The following PHKB variants were observed in gnomAD, a reference collection of about 807,000 sequenced individuals.
PHKB encodes phosphorylase kinase regulatory subunit beta, also known as phosphorylase b kinase regulatory subunit beta.
In PHKB, 122 loss-of-function variants were observed where a neutral mutation model predicts 152.1. The observed-to-expected ratio is 0.80, with a 90% CI of 0.69 to 0.93. PHKB has a LOEUF of 0.93. PHKB is among the 40% of genes least tolerant of loss of function. PHKB has a pLI of 0.00. For synonymous variants in PHKB, 436 were observed against 464.9 expected, an observed-to-expected ratio of 0.94 and a Z score of 0.80; for missense variants, 1,304 against 1,328.4, an observed-to-expected ratio of 0.98 and a Z score of 0.29.
intron 1 of PHKB, among the ~76,000 whole-genome samples, chr16:47,470,709 A>G (rs1969751139): frequency 6.6e-6 from 1 of 152,242 alleles, no homozygotes. Flanking sequence ...CCTTCTCTTC[A>G]TCTATAGTGC....
At chr16:47,475,956 C>G (rs1281565761) in intron 1 of PHKB, among the ~76,000 whole-genome samples, 1 of 152,184 alleles carries the variant, frequency 6.6e-6, no homozygotes, top group Non-Finnish European at 1.5e-5. Flanking sequence ...CAGCCTTGAA[C>G]TTCTGGGCTC....
At chr16:47,487,129 A>G (rs1389677967) in intron 1 of PHKB, among the ~76,000 whole-genome samples, 3 of 152,098 alleles carry the variant, frequency 2.0e-5, no homozygotes, top group Non-Finnish European at 2.9e-5. Flanking sequence ...TTCTGCTAGA[A>G]CCCAAAACCC....
intron 8 of PHKB, among the ~76,000 whole-genome samples, chr16:47,585,544 T>G (rs1971921097): frequency 1.3e-5 from 2 of 152,220 alleles, no homozygotes; most frequent in African/African-American, 4.8e-5. Context: ...TGGGAATAGC[T>G]GCCCATGACC....
rs1402857463 is a variant in PHKB, at chr16:47,510,693, A to AT, written c.406-965dup. Among the ~76,000 whole-genome samples, 5 of 152,164 alleles carry AT rather than the reference A, an allele frequency of 3.3e-5. No individual in the cohort carries two copies. The East Asian group carries it at 5.8e-4, about 18-fold the overall frequency. ...GAGGGTTCAAAAAGTATAAAAGAAG[A>AT]TTTTTTTAAGATAGTATTTTAAGGA... On this transcript the variant is annotated intron_variant, in intron 4 of 30. Transcript: ENST00000323584.
chr16:47,619,749 G>C (rs184695807), intron 14 of PHKB, among the ~76,000 whole-genome samples: 4 of 152,316 alleles, frequency 2.6e-5, no homozygotes, highest in African/African-American at 9.6e-5. Flanking sequence ...TTCTTGAAGA[G>C]TGTTTGTTTC....
chr16:47,643,996 G>A (rs1221215843), intron 16 of PHKB, among the ~76,000 whole-genome samples: 1 of 152,082 alleles, frequency 6.6e-6, no homozygotes, highest in Non-Finnish European at 1.5e-5. Flanking sequence ...TGTACAACAT[G>A]GGGGCAGTGT....
At position 47,463,908 on chromosome 16, in the gene PHKB, C is replaced by T. The variant is rs759484606; in HGVS notation, c.76+2482C>T. 6.2e-6 allele frequency: 10 copies of T among 1,612,968 alleles called. No individual in the cohort carries two copies. The African/African-American group carries it at 6.7e-5, about 11-fold the overall frequency. ...TTTAAAATTGCTATAGCTTAGCCTG[C>T]GACGCTTATGATTAGAGCCAACAAT... On this transcript the variant is annotated intron_variant, in intron 1 of 30. Coordinates refer to ENST00000323584, the MANE Select transcript of PHKB (RefSeq NM_000293.3).
At chr16:47,685,982 C>G (rs554565413) in intron 26 of PHKB, among the ~76,000 whole-genome samples, 3 of 152,276 alleles carry the variant, frequency 2.0e-5, no homozygotes, top group African/African-American at 7.2e-5. Flanking sequence ...ACCTCATGAT[C>G]CGCTGCCTCA....
At position 47,685,983 on chromosome 16, in the gene PHKB, C is replaced by T. The variant is rs574477105; in HGVS notation, c.2631-3058C>T. 1.1e-3 allele frequency among the ~76,000 whole-genome samples: 164 copies of T among 152,198 alleles called. 1 individual carries two copies. The highest frequency in any genetic ancestry group is 3.7e-3 in the African/African-American group (154 of 41,558). ...GTCTCAATCTCCTGACCTCATGATC[C>T]GCTGCCTCAGCCTCCCACAGTGCTG... On this transcript the variant is annotated intron_variant, in intron 26 of 30. Transcript: ENST00000323584.
chr16:47,635,152 C>T (rs576205310), intron 14 of PHKB, among the ~76,000 whole-genome samples: 3 of 152,142 alleles, frequency 2.0e-5, no homozygotes, highest in Non-Finnish European at 2.9e-5. Context: ...ACGAGTTCTT[C>T]GTGAATTAGC....
At chr16:47,527,390 T>A (rs2151659240) in intron 6 of PHKB, among the ~76,000 whole-genome samples, 1 of 152,306 alleles carries the variant, frequency 6.6e-6, no homozygotes, top group East Asian at 1.9e-4. Flanking sequence ...CCAACAGCTT[T>A]ATTTTTTAAA....
intron 7 of PHKB, chr16:47,566,537 AT>A: frequency 6.3e-7 from 1 of 1,598,356 alleles, no homozygotes; most frequent in Non-Finnish European, 8.5e-7. Flanking sequence ...CTGCACTGAT[AT>A]TTAGTCCTCT....
chr16:47,499,998 C>T, intron 3 of PHKB, 104 bp downstream of exon 3: 1 of 1,287,308 alleles, frequency 7.8e-7, no homozygotes, highest in African/African-American at 1.5e-5. Flanking sequence ...TGCTGACTCA[C>T]TGTGCGACCT....
Position 47,540,863 on chromosome 16 carries a change from G to C in PHKB, c.595-6570G>C, listed in dbSNP as rs1032174661. ...TTTTTGGAGATAGAGTTTCACTCCT[G>C]TTGCCCAGGCTGGAGTGGCAATGGG... On this transcript the variant is annotated intron_variant, in intron 6 of 30. Transcript: ENST00000323584. Among the ~76,000 whole-genome samples, 12 of 105,220 alleles carry C rather than the reference G, an allele frequency of 1.1e-4. No homozygotes were observed. The South Asian group carries it at 3.8e-3, about 34-fold the overall frequency. 69.0% of individuals were successfully genotyped at this position (105,220 alleles called of 152,430 possible).
chr16:47,617,820 T>G (rs1972545741), intron 14 of PHKB, among the ~76,000 whole-genome samples: 1 of 152,186 alleles, frequency 6.6e-6, no homozygotes, highest in African/African-American at 2.4e-5. Context: ...GGGATCTGGT[T>G]GGGAACAAAG....
intron 14 of PHKB, among the ~76,000 whole-genome samples, chr16:47,630,499 G>T (rs1972808082): frequency 6.6e-6 from 1 of 151,764 alleles, no homozygotes; most frequent in Admixed American, 6.6e-5. Flanking sequence ...AAAAGAAAAA[G>T]CAGATAAGAA....
intron 26 of PHKB, among the ~76,000 whole-genome samples, chr16:47,680,304 C>G (rs553845321): frequency 6.6e-6 from 1 of 152,262 alleles, no homozygotes; most frequent in South Asian, 2.1e-4. Context: ...AGGGAGGATT[C>G]CCTCTTTTTC....
chr16:47,597,901 C>T (rs891751574), intron 13 of PHKB: 6 of 151,658 alleles, frequency 4.0e-5, no homozygotes, highest in African/African-American at 1.5e-4. Flanking sequence ...AAAAATTTCT[C>T]CAGTAACCTC....
intron 14 of PHKB, among the ~76,000 whole-genome samples, chr16:47,626,146 G>T (rs1314485354): frequency 6.6e-6 from 1 of 152,188 alleles, no homozygotes; most frequent in Non-Finnish European, 1.5e-5. Context: ...TTCTCTCATT[G>T]ATATAGAAAA....
Sources: allele counts gnomAD v4.1 joint callset (sites outside exome capture counted in the v4.1 genomes callset), GRCh38; gene constraint gnomAD v4.1.1; transcripts MANE v1.5; gene names NCBI Gene and HGNC (gene_info 2026-07-23, HGNC 2026-07-21).